Variants in C1orf87 observed in about 807,000 individuals in gnomAD.
The protein encoded by C1orf87 is uncharacterized protein C1orf87.
C1orf87 carries 58 observed loss-of-function variants against 60.5 expected under a neutral mutation model. The ratio of observed to expected loss-of-function variants is 0.96; its 90% confidence interval spans 0.78 to 1.19. C1orf87 has a LOEUF of 1.19. Ranked by LOEUF, C1orf87 falls within the 50% of genes most tolerant of loss-of-function variation. The pLI is 0.00. For missense variants in C1orf87, 673 were observed against 638.6 expected (o/e 1.05, Z -0.58); for synonymous variants, 236 against 227.4 (o/e 1.04, Z -0.34).
At chr1:60,067,538 C>T (rs1377864580) in intron 2 of C1orf87, among the ~76,000 whole-genome samples, 2 of 105,506 alleles carry the variant, frequency 1.9e-5, no homozygotes, top group African/African-American at 3.5e-5. Context: ...CTGTTCATAT[C>T]TTTTGCCCAC....
chr1:60,059,181 C>A (rs921922731), intron 2 of C1orf87, among the ~76,000 whole-genome samples: 2 of 152,198 alleles, frequency 1.3e-5, no homozygotes, highest in South Asian at 4.1e-4. Flanking sequence ...TTTGTCAACA[C>A]GCATTGGTTG....
intron 10 of C1orf87, among the ~76,000 whole-genome samples, chr1:59,998,257 C>A (rs1002656684): frequency 2.6e-5 from 4 of 152,058 alleles, no homozygotes; most frequent in Non-Finnish European, 5.9e-5. Flanking sequence ...TTATCTTAGG[C>A]TTGTGGGTCC....
chr1:60,022,995 T>C (rs547090150), intron 8 of C1orf87, among the ~76,000 whole-genome samples: 1 of 152,304 alleles, frequency 6.6e-6, no homozygotes, highest in South Asian at 2.1e-4. Flanking sequence ...ACTTATAAAT[T>C]ACTTATTTCT....
chr1:60,003,274 G>A (rs1441633226), intron 9 of C1orf87, among the ~76,000 whole-genome samples: 6 of 133,210 alleles, frequency 4.5e-5, no homozygotes, highest in Non-Finnish European at 9.3e-5. Context: ...TGAACAATGA[G>A]ATCACATGGA....
At chr1:60,033,798 G>A (rs1207871961) in intron 6 of C1orf87, among the ~76,000 whole-genome samples, 157 bp from the exon 7 acceptor site, 1 of 152,106 alleles carries the variant, frequency 6.6e-6, no homozygotes, top group Non-Finnish European at 1.5e-5. Flanking sequence ...TCATGAGGCC[G>A]CATGCAGACA....
chr1:60,014,082 T>G (rs1645108706), intron 8 of C1orf87, among the ~76,000 whole-genome samples: 1 of 152,182 alleles, frequency 6.6e-6, no homozygotes, highest in Non-Finnish European at 1.5e-5. Flanking sequence ...TTACTTCAAC[T>G]TTCTGCTGTC....
chr1:60,033,640 T>G lies in C1orf87; in HGVS notation c.865A>C (p.Thr289Pro), dbSNP rs752372690. Residue 289 changes from threonine (T) to proline (P), a missense_variant and splice_region_variant, in exon 7 of 12, where the codon ACT becomes CCT. By Grantham distance (38) the Thr-to-Pro change is conservative. Coordinates refer to ENST00000371201, the MANE Select transcript of C1orf87 (RefSeq NM_152377.3). The stretch of plus-strand genomic sequence containing the variant: ...TGTGAGCTGGAGTGCTGAGGTGGAG[T>G]GCTGATTGTAGGGGAAATGGGGAAG... Reference protein sequence around the residue: ...TESHGTHSQSTPPQHSSSQPE... With the variant: ...TESHGTHSQSPPPQHSSSQPE... The G allele has an allele frequency of 4.3e-6, 7 of 1,610,100 alleles. No individual in the cohort carries two copies. The highest frequency in any genetic ancestry group is 5.9e-6 in the Non-Finnish European group (7 of 1,178,220).
At chr1:59,997,908 T>A in intron 10 of C1orf87, 92 bp from the exon 11 acceptor site, 2 of 1,238,012 alleles carry the variant, frequency 1.6e-6, no homozygotes. Context: ...ACTAGCAAGA[T>A]TTATAGCAAG....
At chr1:60,004,161 G>A (rs570338953) in intron 9 of C1orf87, among the ~76,000 whole-genome samples, 1 of 152,042 alleles carries the variant, frequency 6.6e-6, no homozygotes, top group Admixed American at 6.6e-5. Context: ...CGTGGGGAAA[G>A]GGGAGGAGGA....
rs140078904 is a variant in C1orf87, at chr1:60,035,496, T to C, written c.864-1855A>G. Among the ~76,000 whole-genome samples, 25 of 152,334 alleles carry C rather than the reference T, an allele frequency of 1.6e-4. No homozygotes were observed. In the East Asian group the frequency reaches 4.4e-3, roughly 27 times the overall value. On this transcript the variant is annotated intron_variant, in intron 6 of 11. Transcript: ENST00000371201. ...CTTTTAAAACATCACAGAGCTACCC[T>C]ATTAGAGGATCTACCTGACAGAGCA...
intron 2 of C1orf87, among the ~76,000 whole-genome samples, chr1:60,070,481 A>T (rs771646333): frequency 6.6e-6 from 1 of 152,188 alleles, no homozygotes; most frequent in African/African-American, 2.4e-5. Flanking sequence ...GGGAAGACAG[A>T]TTCTGCAGCA....
At chr1:60,055,466 T>C in intron 2 of C1orf87, 28 bp from the exon 3 acceptor site, 2 of 1,596,760 alleles carry the variant, frequency 1.3e-6, no homozygotes, top group Non-Finnish European at 1.7e-6. Flanking sequence ...TATACTTTGT[T>C]ACTTACAGGC....
At chr1:60,046,065 ATTCC>A (rs535941333) in intron 3 of C1orf87, among the ~76,000 whole-genome samples, 250 of 151,808 alleles carry the variant, frequency 1.6e-3, no homozygotes, top group East Asian at 7.4e-3. Flanking sequence ...ACCTTTTAAA[ATTCC>A]TTCCTTCCTT....
chr1:60,001,274 G>T, intron 9 of C1orf87, 118 bp from the exon 10 acceptor site: 1 of 739,678 alleles, frequency 1.4e-6, no homozygotes, highest in Non-Finnish European at 2.0e-6. Context: ...TTTGCTCTGT[G>T]GTTGGCACTG....
At chr1:60,038,757 T>C (rs1391944363) in intron 5 of C1orf87, among the ~76,000 whole-genome samples, 6 of 152,164 alleles carry the variant, frequency 3.9e-5, no homozygotes, top group Non-Finnish European at 8.8e-5. Flanking sequence ...AAAAATTTAT[T>C]AGGCCAAGTG....
At chr1:60,008,826 G>A (rs564904077) in intron 9 of C1orf87, 14 of 385,506 alleles carry the variant, frequency 3.6e-5, no homozygotes, top group East Asian at 2.3e-4. Flanking sequence ...AAATTATGTC[G>A]CAGTCCAAGA....
intron 3 of C1orf87, among the ~76,000 whole-genome samples, chr1:60,048,148 T>C (rs2100308432): frequency 6.6e-6 from 1 of 152,290 alleles, no homozygotes. Context: ...TAAAAGATAT[T>C]GCAGCTTCCA....
chr1:60,042,487 A>G (rs940027473), intron 3 of C1orf87, among the ~76,000 whole-genome samples: 1 of 152,244 alleles, frequency 6.6e-6, no homozygotes, highest in Non-Finnish European at 1.5e-5. Context: ...CAGATGTTTT[A>G]TAGTCATGAA....
chr1:60,048,340 C>T (rs565518876), intron 3 of C1orf87, among the ~76,000 whole-genome samples: 4 of 152,204 alleles, frequency 2.6e-5, no homozygotes, highest in Admixed American at 2.6e-4. Flanking sequence ...TCTGATCAAG[C>T]TTTCAGATAA....
Sources: gnomAD v4.1 joint callset for allele counts (sites outside exome capture counted in the v4.1 genomes callset) on GRCh38, gnomAD v4.1.1 for gene constraint, MANE v1.5 for transcripts, NCBI Gene and HGNC (gene_info 2026-07-23, HGNC 2026-07-21) for gene names.